Variants in TALDO1 observed in about 807,000 individuals in gnomAD.
TALDO1 encodes the protein transaldolase 1, also known as transaldolase.
Under a neutral mutation model 38.1 loss-of-function variants are expected in TALDO1, and 29 were observed. The observed-to-expected ratio is 0.76, with a 90% CI of 0.57 to 1.04. The LOEUF (loss-of-function observed/expected upper bound fraction) is 1.04, where lower values mean the gene tolerates loss of function less well. TALDO1 is among the 50% of genes least tolerant of loss of function. TALDO1 has a pLI of 0.00. For missense variants in TALDO1, 499 were observed against 438.1 expected (o/e 1.14, Z -1.24); for synonymous variants, 207 against 176.8 (o/e 1.17, Z -1.36).
At chr11:764,595 G>A (rs1479813187) in intron 7 of TALDO1, 162 bp downstream of exon 7, 1 of 1,357,808 alleles carries the variant, frequency 7.4e-7, no homozygotes, top group Non-Finnish European at 1.0e-6. Flanking sequence ...CCAGGGTGGA[G>A]GGTGCATGGC....
intron 4 of TALDO1, among the ~76,000 whole-genome samples, chr11:761,481 C>T (rs1269273890): frequency 1.3e-5 from 2 of 152,066 alleles, no homozygotes; most frequent in Non-Finnish European, 2.9e-5. Flanking sequence ...GCCTGGGTGA[C>T]AGAGTGAGAC....
Position 755,970 on chromosome 11 carries a change from G to C in TALDO1, c.189G>C (p.Glu63Asp). The C allele has an allele frequency of 6.2e-7, 1 of 1,613,890 alleles. No homozygotes were observed. Among genetic ancestry groups the C allele is most frequent in the Non-Finnish European group, 8.5e-7 (1 of 1,179,950 alleles). Residue 63 changes from glutamate to aspartate, a missense_variant, in exon 2 of 8, where the codon GAG (glutamate) becomes GAC (aspartate). Coordinates refer to ENST00000319006, the MANE Select transcript of TALDO1 (RefSeq NM_006755.2). ...TGCCCGCTTACCAGGAGCTGGTGGA[G>C]GAGGCGATTGCCTATGGCCGGAAGC... ...AQMPAYQELV[E>D]EAIAYGRKLG...
At chr11:762,319 T>G (rs963544577) in intron 4 of TALDO1, among the ~76,000 whole-genome samples, 2 of 152,190 alleles carry the variant, frequency 1.3e-5, no homozygotes, top group African/African-American at 4.8e-5. Flanking sequence ...AGGCCACAGT[T>G]ATTCATCTGT....
intron 2 of TALDO1, among the ~76,000 whole-genome samples, chr11:757,535 C>A (rs963722320): frequency 2.0e-5 from 3 of 152,128 alleles, no homozygotes; most frequent in African/African-American, 7.2e-5. Flanking sequence ...CTTGAGCAGT[C>A]TGCCCACCTT....
chr11:758,689 C>T (rs1303111316), intron 2 of TALDO1, among the ~76,000 whole-genome samples: 1 of 151,766 alleles, frequency 6.6e-6, no homozygotes, highest in Non-Finnish European at 1.5e-5. Context: ...ACTGCAAGCT[C>T]CACCTCCCAG....
intron 6 of TALDO1, 136 bp from the exon 7 acceptor site, chr11:764,152 C>T: frequency 6.6e-7 from 1 of 1,521,328 alleles, no homozygotes; most frequent in Non-Finnish European, 9.0e-7. Flanking sequence ...ACCCCACTTC[C>T]AGCGTGAGCC....
chr11:763,920 G>T lies in TALDO1; in HGVS notation c.811G>T (p.Val271Leu). The T allele has an allele frequency of 1.2e-6, 2 of 1,611,354 alleles. No homozygotes were observed. Among genetic ancestry groups the T allele is most frequent in the Non-Finnish European group, 1.7e-6 (2 of 1,179,928 alleles). Residue 271 changes from valine to leucine, a missense_variant, in exon 6 of 8, where the codon GTG becomes TTG. Transcript: ENST00000319006. Reference protein sequence around the residue: ...GELLQDNAKLVPVLSAKAAQA... With the variant: ...GELLQDNAKLLPVLSAKAAQA... ...GCTGCTGCAGGACAACGCCAAGCTG[G>T]TGCCTGTGCTCTCAGCCAAGGCGGG...
chr11:759,158 T>G (rs1862891355), intron 3 of TALDO1, 101 bp downstream of exon 3: 1 of 1,004,612 alleles, frequency 1.0e-6, no homozygotes, highest in Non-Finnish European at 1.6e-6. Context: ...CCCATGGTCT[T>G]CATCCCAAGG....
chr11:753,100 T>A (rs1483622377), intron 1 of TALDO1, among the ~76,000 whole-genome samples: 1 of 152,114 alleles, frequency 6.6e-6, no homozygotes, highest in Non-Finnish European at 1.5e-5. Flanking sequence ...CAGTTCAGGT[T>A]GTTTCTTCAG....
At chr11:762,986 G>A (rs1862964935) in intron 4 of TALDO1, among the ~76,000 whole-genome samples, 1 of 152,180 alleles carries the variant, frequency 6.6e-6, no homozygotes, top group Non-Finnish European at 1.5e-5. Flanking sequence ...GCACCCAGAG[G>A]GCCTCCCTTG....
At chr11:758,752 C>A (rs957077240) in intron 2 of TALDO1, among the ~76,000 whole-genome samples, 198 bp from the exon 3 acceptor site, 2 of 152,056 alleles carry the variant, frequency 1.3e-5, no homozygotes, top group Admixed American at 6.6e-5. Context: ...CTACAGGCAC[C>A]CGCCACCATG....
At chr11:751,925 A>G (rs1182385133) in intron 1 of TALDO1, among the ~76,000 whole-genome samples, 1 of 152,116 alleles carries the variant, frequency 6.6e-6, no homozygotes, top group African/African-American at 2.4e-5. Context: ...ATGTTGGGGC[A>G]CTCTAGGCCT....
At chr11:756,518 T>TA (rs1862841627) in intron 2 of TALDO1, among the ~76,000 whole-genome samples, 1 of 148,586 alleles carries the variant, frequency 6.7e-6, no homozygotes, top group African/African-American at 2.5e-5. Flanking sequence ...TTGTATTTTT[T>TA]TTTTTTTTTT....
chr11:764,982 T>C lies in TALDO1; in HGVS notation c.*137T>C. ...TAGATTTCTGATTTTATGTAAAATT[T>C]TGCCTAATACATTAAAGCAGTCACT... On this transcript the variant is annotated 3_prime_UTR_variant, in exon 8 of 8. Coordinates refer to ENST00000319006, the MANE Select transcript of TALDO1 (RefSeq NM_006755.2). The C allele has an allele frequency of 7.9e-7, 1 of 1,268,466 alleles. No individual in the cohort carries two copies. The highest frequency in any genetic ancestry group is 1.5e-5 in the African/African-American group (1 of 67,806). The allele number at this position is 1,268,466 out of a possible 1,614,324, so 78.6% of individuals were successfully genotyped here.
rs137853085 is a variant in TALDO1 at position 763,391 on chromosome 11, TCTC to T, written c.512_514del (p.Ser171del). ...ATCCACTGCAACATGACGTTACTCT[TCTC>T]CTTCGCCCAGGCTGTGGCCTGTGCC... On this transcript the variant is annotated inframe_deletion, in exon 5 of 8. Transcript: ENST00000319006. The T allele has an allele frequency of 4.3e-6, 7 of 1,610,706 alleles. No homozygotes were observed. In the East Asian group the frequency reaches 8.9e-5, roughly 21 times the overall value.
At chr11:756,050 C>A (rs1862832724) in intron 2 of TALDO1, 48 bp downstream of exon 2, 1 of 1,588,330 alleles carries the variant, frequency 6.3e-7, no homozygotes, top group East Asian at 2.3e-5. Flanking sequence ...TCGTGCTAGT[C>A]TAGTTGGCCT....
rs1863024322 is a variant in TALDO1, at chr11:764,932, T to C, written c.*87T>C. ...GGCTTCTGATGAATCTTGCGTTTTT[T>C]ACAAATTGGAGCAGGGACAGATCAT... is the stretch of plus-strand genomic sequence containing the variant. On this transcript the variant is annotated 3_prime_UTR_variant, in exon 8 of 8. Transcript: ENST00000319006. 6.4e-6 allele frequency: 10 copies of C among 1,573,666 alleles called. No homozygotes were observed. The highest frequency in any genetic ancestry group is 7.9e-6 in the Non-Finnish European group (9 of 1,145,076).
At chr11:760,492 C>T (rs1862909858) in intron 4 of TALDO1, 2 of 552,218 alleles carry the variant, frequency 3.6e-6, no homozygotes, top group Non-Finnish European at 6.4e-6. Flanking sequence ...TACCATCCAC[C>T]CACTCAGCAG....
intron 1 of TALDO1, among the ~76,000 whole-genome samples, chr11:754,813 C>A (rs1033247924): frequency 2.0e-5 from 3 of 152,078 alleles, no homozygotes; most frequent in African/African-American, 7.2e-5. Context: ...CTCTCTGGCC[C>A]AGGTGGGAGT....
Sources: allele counts gnomAD v4.1 joint callset (sites outside exome capture counted in the v4.1 genomes callset), GRCh38; gene constraint gnomAD v4.1.1; transcripts MANE v1.5; gene names NCBI Gene and HGNC (gene_info 2026-07-23, HGNC 2026-07-21).